MYZAP: variants seen among roughly 807,000 people sequenced by gnomAD.
MYZAP encodes the protein GRINL1A complex locus upstream.
MYZAP carries 66 observed loss-of-function variants against 69.4 expected under a neutral mutation model. The ratio of observed to expected loss-of-function variants is 0.95; its 90% confidence interval spans 0.78 to 1.17. MYZAP has a LOEUF of 1.17. Ranked by LOEUF, MYZAP falls within the 50% of genes most tolerant of loss-of-function variation. The pLI is 0.00. For synonymous variants in MYZAP, 256 were observed against 205.9 expected (o/e 1.24, Z -2.09); for missense variants, 611 against 556.2 (o/e 1.10, Z -0.99).
At position 57,616,822 on chromosome 15, in the gene MYZAP, C is replaced by CTTTTTTTTTTTTTTTTTGTTTTTTTTTTT. The variant is rs2035487898; in HGVS notation, c.163-1194_163-1193insGTTTTTTTTTTTTTTTTTTTTTTTTTTTT. ...GAGACTCCATCTAAAAAAAAAAGTG[C>CTTTTTTTTTTTTTTTTTGTTTTTTTTTTT]TTTTTTTTTTTTTTTTTTTTTTTTT... On this transcript the variant is annotated intron_variant, in intron 2 of 12. Transcript: ENST00000267853. Among the ~76,000 whole-genome samples the CTTTTTTTTTTTTTTTTTGTTTTTTTTTTT allele has an allele frequency of 4.0e-5, 2 of 50,058 alleles. 1 individual carries two copies. Among genetic ancestry groups the CTTTTTTTTTTTTTTTTTGTTTTTTTTTTT allele is most frequent in the African/African-American group, 1.6e-4 (2 of 12,620 alleles). The allele number at this position is 50,058 out of a possible 152,430, so 32.8% of individuals were successfully genotyped here. A position where few individuals can be genotyped will look rare whatever the true frequency, so the allele number is the denominator to read the frequency against.
At chr15:57,651,902 C>T (rs1438977463) in intron 10 of MYZAP, among the ~76,000 whole-genome samples, 2 of 152,158 alleles carry the variant, frequency 1.3e-5, no homozygotes, top group Admixed American at 6.5e-5. Flanking sequence ...TCCTCCTCTC[C>T]TTCTGGAGAA....
intron 1 of MYZAP, among the ~76,000 whole-genome samples, chr15:57,603,437 G>T (rs1203564521): frequency 6.6e-6 from 1 of 152,068 alleles, no homozygotes; most frequent in Non-Finnish European, 1.5e-5. Context: ...CTATCTCGAG[G>T]ATTTTTTTCA....
chr15:57,623,119 C>T (rs138660089), intron 4 of MYZAP, among the ~76,000 whole-genome samples: 251 of 152,244 alleles, frequency 1.6e-3, no homozygotes, highest in African/African-American at 5.9e-3. Flanking sequence ...AAGATAAATG[C>T]GGGTTAAAAC....
At chr15:57,656,840 C>T (rs956892491) in intron 10 of MYZAP, among the ~76,000 whole-genome samples, 2 of 152,182 alleles carry the variant, frequency 1.3e-5, no homozygotes, top group Admixed American at 1.3e-4. Context: ...TAATTCAGCA[C>T]AATAGCATAC....
At chr15:57,629,553 C>A in intron 5 of MYZAP, 149 bp from the exon 6 acceptor site, 1 of 1,131,020 alleles carries the variant, frequency 8.8e-7, no homozygotes. Context: ...CCCACAGTCC[C>A]TCACAGCACA....
chr15:57,629,634 G>T, intron 5 of MYZAP, 68 bp from the exon 6 acceptor site: 1 of 1,550,238 alleles, frequency 6.5e-7, no homozygotes, highest in South Asian at 1.2e-5. Flanking sequence ...GGATGCCCCA[G>T]CATGTGGTGC....
At chr15:57,661,190 A>C (rs532004101) in intron 10 of MYZAP, among the ~76,000 whole-genome samples, 1 of 152,292 alleles carries the variant, frequency 6.6e-6, no homozygotes, top group Admixed American at 6.5e-5. Flanking sequence ...TGACTCCAGA[A>C]TCATGTCTGC....
chr15:57,627,068 C>T (rs1252423797), intron 5 of MYZAP, among the ~76,000 whole-genome samples: 2 of 152,342 alleles, frequency 1.3e-5, no homozygotes, highest in South Asian at 2.1e-4. Context: ...GTCTCATTCC[C>T]AGCCCACCAG....
At chr15:57,668,746 C>A (rs1238982315) in intron 11 of MYZAP, among the ~76,000 whole-genome samples, 5 of 151,776 alleles carry the variant, frequency 3.3e-5, no homozygotes, top group African/African-American at 9.7e-5. Context: ...TTTTAGTTTT[C>A]TTACTATTGA....
At chr15:57,631,789 C>T (rs1201653564) in intron 6 of MYZAP, among the ~76,000 whole-genome samples, 1 of 152,224 alleles carries the variant, frequency 6.6e-6, no homozygotes, top group African/African-American at 2.4e-5. Flanking sequence ...ATGCAGCAAA[C>T]TCAGCTCTCT....
At chr15:57,683,037 G>C (rs1370290051) in intron 12 of MYZAP, among the ~76,000 whole-genome samples, 3 of 152,146 alleles carry the variant, frequency 2.0e-5, no homozygotes, top group African/African-American at 7.2e-5. Context: ...GACTGTTGTG[G>C]ATGTTTGGGC....
chr15:57,661,314 G>A (rs2038290953), intron 10 of MYZAP, 136 bp from the exon 11 acceptor site: 1 of 705,462 alleles, frequency 1.4e-6, no homozygotes, highest in East Asian at 2.8e-5. Context: ...AAACCATCCA[G>A]CCCCACTGGA....
At chr15:57,604,452 T>G (rs1362496776) in intron 2 of MYZAP, 97 bp downstream of exon 2, 2 of 1,346,030 alleles carry the variant, frequency 1.5e-6, no homozygotes, top group African/African-American at 1.4e-5. Context: ...AGAGGCTGGG[T>G]GTCTGCACCT....
rs762687142 is a variant in MYZAP, at chr15:57,618,204, G to T, written c.318+16G>T. On this transcript the variant is annotated intron_variant, in intron 3 of 12. Coordinates refer to ENST00000267853, the MANE Select transcript of MYZAP (RefSeq NM_001018100.5). ...CATCAAAGATGTGAGCCATTTAAGA[G>T]TTTTTGCCCCCCACCTGTATTCTTT... 32 of 1,611,554 alleles carry T rather than the reference G, an allele frequency of 2.0e-5. No individual in the cohort carries two copies. Among genetic ancestry groups the T allele is most frequent in the Non-Finnish European group, 2.7e-5 (32 of 1,178,868 alleles).
chr15:57,660,176 A>C (rs1016391242), intron 10 of MYZAP, among the ~76,000 whole-genome samples: 1 of 152,066 alleles, frequency 6.6e-6, no homozygotes, highest in Non-Finnish European at 1.5e-5. Context: ...ATATCATTTC[A>C]TATTTTGGCC....
chr15:57,646,852 G>T (rs1490265586), intron 10 of MYZAP: 11 of 985,442 alleles, frequency 1.1e-5, no homozygotes, highest in South Asian at 9.4e-5. Flanking sequence ...CTGATAAAGA[G>T]AAATCTATCT....
intron 10 of MYZAP, among the ~76,000 whole-genome samples, chr15:57,642,867 C>G (rs1402817282): frequency 6.6e-6 from 1 of 152,084 alleles, no homozygotes; most frequent in Non-Finnish European, 1.5e-5. Context: ...AGGACTTGTA[C>G]TATGTAGGAA....
chr15:57,648,382 G>A (rs1167045046), intron 10 of MYZAP: 1 of 985,308 alleles, frequency 1.0e-6, no homozygotes, highest in Non-Finnish European at 1.2e-6. Flanking sequence ...CAGACACCTG[G>A]TGCCCAGTTT....
chr15:57,631,840 C>T (rs1814313), intron 6 of MYZAP, among the ~76,000 whole-genome samples: 85,505 of 152,046 alleles, frequency 0.56, 24,297 homozygotes, highest in African/African-American at 0.62. Context: ...GAGAGCAAAC[C>T]TTCTGCAGCA....
Sources: allele counts gnomAD v4.1 joint callset (sites outside exome capture counted in the v4.1 genomes callset), GRCh38; gene constraint gnomAD v4.1.1; transcripts MANE v1.5; gene names NCBI Gene and HGNC (gene_info 2026-07-23, HGNC 2026-07-21).